Variants in PEBP4 observed in about 807,000 individuals in gnomAD.
PEBP4 encodes the protein phosphatidylethanolamine binding protein 4, also known as phosphatidylethanolamine-binding protein 4.
Under a neutral mutation model 23.9 loss-of-function variants are expected in PEBP4, and 22 were observed. The observed-to-expected ratio is 0.92, with a 90% CI of 0.66 to 1.31. The LOEUF (loss-of-function observed/expected upper bound fraction) is 1.31. PEBP4 is among the 40% of genes most tolerant of loss of function. PEBP4 has a pLI of 0.00. For synonymous variants in PEBP4, 112 were observed against 99.3 expected, an observed-to-expected ratio of 1.13 and a Z score of -0.76; for missense variants, 324 against 281.7, an observed-to-expected ratio of 1.15 and a Z score of -1.07.
intron 4 of PEBP4, among the ~76,000 whole-genome samples, chr8:22,759,696 G>C (rs1465217720): frequency 6.6e-6 from 1 of 152,152 alleles, no homozygotes; most frequent in African/African-American, 2.4e-5. Flanking sequence ...TTCTTTTTGA[G>C]AAATGCAGAG....
intron 3 of PEBP4, among the ~76,000 whole-genome samples, chr8:22,848,195 A>T (rs1454395354): frequency 1.3e-5 from 2 of 152,216 alleles, no homozygotes; most frequent in African/African-American, 4.8e-5. Context: ...GCTATAATAG[A>T]CAACGAGTTA....
At chr8:22,795,111 T>TTA (rs10625045) in intron 4 of PEBP4, among the ~76,000 whole-genome samples, 71,354 of 129,548 alleles carry the variant, frequency 0.55, 20,367 homozygotes, top group South Asian at 0.67. Context: ...TTAAATTATT[T>TTA]TATATATATG....
chr8:22,905,972 A>G (rs980318939), intron 3 of PEBP4, among the ~76,000 whole-genome samples: 113 of 152,178 alleles, frequency 7.4e-4, no homozygotes, highest in African/African-American at 2.6e-3. Context: ...CAAGGAATCC[A>G]ATTCCAAACC....
At chr8:22,923,854 G>T (rs1258015857) in intron 2 of PEBP4, among the ~76,000 whole-genome samples, 2 of 152,130 alleles carry the variant, frequency 1.3e-5, no homozygotes, top group African/African-American at 4.8e-5. Context: ...GAGCAACCTT[G>T]TACCGCACAC....
At chr8:22,940,144 A>G (rs1194050143) in intron 1 of PEBP4, among the ~76,000 whole-genome samples, 2 of 152,222 alleles carry the variant, frequency 1.3e-5, no homozygotes, top group African/African-American at 4.8e-5. Flanking sequence ...TTGCAGGGAC[A>G]GAGTCAATCT....
chr8:22,909,271 CCTT>C (rs1250307872), intron 3 of PEBP4, among the ~76,000 whole-genome samples: 1 of 152,010 alleles, frequency 6.6e-6, no homozygotes, highest in East Asian at 1.9e-4. Flanking sequence ...GGTCCAGGGT[CCTT>C]CTCCCTACCC....
chr8:22,773,790 G>T (rs1188132382), intron 4 of PEBP4, among the ~76,000 whole-genome samples: 2 of 152,120 alleles, frequency 1.3e-5, no homozygotes, highest in Non-Finnish European at 2.9e-5. Flanking sequence ...TAGGATGCAG[G>T]GTTGCTTGCT....
chr8:22,737,114 C>CA (rs1391371246), intron 4 of PEBP4, among the ~76,000 whole-genome samples: 1 of 151,876 alleles, frequency 6.6e-6, no homozygotes, highest in Non-Finnish European at 1.5e-5. Context: ...GCCAACTTGG[C>CA]AAAACCCGGT....
intron 4 of PEBP4, among the ~76,000 whole-genome samples, chr8:22,750,256 C>A (rs1805225016): frequency 6.6e-6 from 1 of 152,086 alleles, no homozygotes; most frequent in African/African-American, 2.4e-5. Flanking sequence ...TGCCTGCCAC[C>A]ACGCCCAGCT....
At chr8:22,862,623 G>C (rs1273342963) in intron 3 of PEBP4, among the ~76,000 whole-genome samples, 3 of 151,986 alleles carry the variant, frequency 2.0e-5, no homozygotes, top group African/African-American at 7.3e-5. Flanking sequence ...CATTCTAAAG[G>C]CTTAAACACA....
At chr8:22,795,143 G>GTGTGTGTATA (rs1268855798) in intron 4 of PEBP4, among the ~76,000 whole-genome samples, 2 of 49,926 alleles carry the variant, frequency 4.0e-5, no homozygotes, top group African/African-American at 1.8e-4. Context: ...ATGTGTGTGT[G>GTGTGTGTATA]TATATATATA....
intron 5 of PEBP4, 52 bp downstream of exon 5, chr8:22,727,123 G>C: frequency 6.3e-7 from 1 of 1,594,884 alleles, no homozygotes; most frequent in Non-Finnish European, 8.6e-7. Flanking sequence ...TGATTCCTGT[G>C]ATCGTCACTG....
chr8:22,874,800 T>C (rs141914876), intron 3 of PEBP4, among the ~76,000 whole-genome samples: 4 of 152,336 alleles, frequency 2.6e-5, no homozygotes, highest in African/African-American at 9.6e-5. Flanking sequence ...AATGTAATGC[T>C]GCAAAGAAAA....
intron 3 of PEBP4, among the ~76,000 whole-genome samples, chr8:22,905,693 G>A (rs978782889): frequency 1.3e-5 from 2 of 152,164 alleles, no homozygotes; most frequent in African/African-American, 2.4e-5. Context: ...GGTCAGAGGC[G>A]GTGGCCAAGG....
intron 4 of PEBP4, among the ~76,000 whole-genome samples, chr8:22,799,758 G>A (rs12680345): frequency 0.34 from 51,145 of 151,840 alleles, 9,165 homozygotes; most frequent in Middle Eastern, 0.44. Flanking sequence ...CTGTGTCCAA[G>A]TGTTCTCATT....
chr8:22,765,594 T>C (rs1805596780), intron 4 of PEBP4, among the ~76,000 whole-genome samples: 1 of 152,236 alleles, frequency 6.6e-6, no homozygotes, highest in African/African-American at 2.4e-5. Context: ...GCTAGCATAA[T>C]AGAAAACAAA....
intron 3 of PEBP4, among the ~76,000 whole-genome samples, chr8:22,830,261 C>G (rs759064412): frequency 8.6e-5 from 13 of 151,540 alleles, no homozygotes; most frequent in Non-Finnish European, 1.6e-4. Context: ...TCCTGAGTAG[C>G]TAGGATTACA....
chr8:22,856,270 C>T (rs1272717067), intron 3 of PEBP4, among the ~76,000 whole-genome samples: 3 of 151,968 alleles, frequency 2.0e-5, no homozygotes, highest in Non-Finnish European at 2.9e-5. Flanking sequence ...AAATAACCAG[C>T]CTAATTTATA....
At chr8:22,718,774 C>A (rs137984974) in intron 6 of PEBP4, among the ~76,000 whole-genome samples, 1 of 152,014 alleles carries the variant, frequency 6.6e-6, no homozygotes, top group Non-Finnish European at 1.5e-5. Flanking sequence ...TCTGTGTGTG[C>A]GCTGGTGGGG....
Sources: gnomAD v4.1 joint callset for allele counts (sites outside exome capture counted in the v4.1 genomes callset) on GRCh38, gnomAD v4.1.1 for gene constraint, MANE v1.5 for transcripts, NCBI Gene and HGNC (gene_info 2026-07-23, HGNC 2026-07-21) for gene names.